The following CAMKMT variants were observed in gnomAD, a reference collection of about 807,000 sequenced individuals.
CAMKMT encodes the protein calmodulin-lysine N-methyltransferase.
A neutral mutation model predicts 48.0 loss-of-function variants in CAMKMT; 53 were observed. The observed-to-expected ratio is 1.10, with a 90% CI of 0.89 to 1.39. The LOEUF (loss-of-function observed/expected upper bound fraction) is 1.39, where lower values mean the gene tolerates loss of function less well. CAMKMT is among the 40% of genes most tolerant of loss of function. The pLI is 0.00. For synonymous variants in CAMKMT, 165 were observed against 152.3 expected (o/e 1.08, Z -0.61); for missense variants, 428 against 402.7 (o/e 1.06, Z -0.54).
intron 3 of CAMKMT, among the ~76,000 whole-genome samples, chr2:44,615,045 T>G (rs56254887): frequency 6.8e-6 from 1 of 147,060 alleles, no homozygotes; most frequent in Non-Finnish European, 1.5e-5. Context: ...CTGCCATCTC[T>G]GCCACCTGAG....
At chr2:44,536,648 A>G (rs1666788890) in intron 3 of CAMKMT, among the ~76,000 whole-genome samples, 1 of 152,046 alleles carries the variant, frequency 6.6e-6, no homozygotes, top group South Asian at 2.1e-4. Flanking sequence ...TTTTTCGTAG[A>G]AATAGAAAAA....
intron 3 of CAMKMT, among the ~76,000 whole-genome samples, chr2:44,535,833 A>G (rs1023576100): frequency 6.6e-6 from 1 of 152,220 alleles, no homozygotes; most frequent in Non-Finnish European, 1.5e-5. Flanking sequence ...AGAATAAGAC[A>G]AGGTTGCCTA....
chr2:44,656,365 T>TA (rs932404335), intron 3 of CAMKMT, among the ~76,000 whole-genome samples: 2 of 151,820 alleles, frequency 1.3e-5, no homozygotes, highest in African/African-American at 4.8e-5. Context: ...CTTTTTTTTT[T>TA]AAAAAAATGA....
Position 44,640,964 on chromosome 2 carries a change from C to T in CAMKMT, c.377-63319C>T, listed in dbSNP as rs541362638. ...CTATATAGAAACTGACATAGAGTGACCAAGGCCACTTGGTTCCAGCGTCAT... is the reference window on the plus strand; with the variant it reads ...CTATATAGAAACTGACATAGAGTGATCAAGGCCACTTGGTTCCAGCGTCAT... On this transcript the variant is annotated intron_variant, in intron 3 of 10. Coordinates refer to ENST00000378494, the MANE Select transcript of CAMKMT (RefSeq NM_024766.5). 3.9e-4 allele frequency among the ~76,000 whole-genome samples: 60 copies of T among 152,264 alleles called. 2 individuals carry two copies. The South Asian group carries it at 0.012, about 30-fold the overall frequency.
At chr2:44,760,535 C>T (rs1253316770) in intron 9 of CAMKMT, among the ~76,000 whole-genome samples, 7 of 148,554 alleles carry the variant, frequency 4.7e-5, no homozygotes, top group Non-Finnish European at 7.4e-5. Context: ...GGTGTGAACC[C>T]GGGAGGTGGA....
At chr2:44,485,386 C>T (rs1024685513) in intron 3 of CAMKMT, among the ~76,000 whole-genome samples, 2 of 151,202 alleles carry the variant, frequency 1.3e-5, no homozygotes, top group African/African-American at 4.9e-5. Flanking sequence ...ACTATTTCCA[C>T]ACACAATATG....
At chr2:44,516,076 A>C (rs1670817353) in intron 3 of CAMKMT, among the ~76,000 whole-genome samples, 1 of 152,196 alleles carries the variant, frequency 6.6e-6, no homozygotes, top group Admixed American at 6.5e-5. Flanking sequence ...AAATTATTTC[A>C]TTGCTTACGG....
At chr2:44,495,486 A>G (rs372598589) in intron 3 of CAMKMT, among the ~76,000 whole-genome samples, 3 of 152,336 alleles carry the variant, frequency 2.0e-5, no homozygotes, top group African/African-American at 7.2e-5. Flanking sequence ...AAGTTTTAAA[A>G]TTAAAAAGAA....
At chr2:44,693,859 G>A (rs1676791911) in intron 3 of CAMKMT, among the ~76,000 whole-genome samples, 1 of 152,118 alleles carries the variant, frequency 6.6e-6, no homozygotes, top group African/African-American at 2.4e-5. Context: ...AGTGTGTGTT[G>A]GCCTCTCCAC....
intron 8 of CAMKMT, among the ~76,000 whole-genome samples, chr2:44,747,737 T>C (rs981183384): frequency 6.6e-6 from 1 of 152,234 alleles, no homozygotes; most frequent in Non-Finnish European, 1.5e-5. Context: ...TTACAGATGC[T>C]CTGCAGTCTG....
rs116282827 is a variant in CAMKMT at position 44,667,048 on chromosome 2, C to G, written c.377-37235C>G. Reference sequence around the variant, plus strand: ...AATCTAAAGATATAGCCATACTCATCTAGGGATTTGATAAAATGTTCTGAA... The same window carrying G: ...AATCTAAAGATATAGCCATACTCATGTAGGGATTTGATAAAATGTTCTGAA... On this transcript the variant is annotated intron_variant, in intron 3 of 10. Coordinates refer to ENST00000378494, the MANE Select transcript of CAMKMT (RefSeq NM_024766.5). 5.8e-3 allele frequency among the ~76,000 whole-genome samples: 883 copies of G among 152,294 alleles called. 10 individuals carry two copies. Among genetic ancestry groups the G allele is most frequent in the African/African-American group, 0.02 (848 of 41,550 alleles).
In CAMKMT at chr2:44,511,590, A is replaced by G. The variant is rs1670558338; in HGVS notation, c.376+121285A>G. Among the ~76,000 whole-genome samples, 3 of 152,300 alleles carry G rather than the reference A, an allele frequency of 2.0e-5. No homozygotes were observed. The South Asian group carries it at 6.2e-4, about 32-fold the overall frequency. On this transcript the variant is annotated intron_variant, in intron 3 of 10. Coordinates refer to ENST00000378494, the MANE Select transcript of CAMKMT (RefSeq NM_024766.5). ...AGATATGAGCCACCACGCCTGGCCT[A>G]TTTCATTCCTTTTTATGGCTGACTA...
rs565162899 is a variant in CAMKMT, at chr2:44,400,553, A to G, written c.376+10248A>G. On this transcript the variant is annotated intron_variant, in intron 3 of 10. Coordinates refer to ENST00000378494, the MANE Select transcript of CAMKMT (RefSeq NM_024766.5). ...TTAGTTATCTACTTAAGATGAGCCA[A>G]TTCTCATTAGTCATGTTGTTTATCA... is the stretch of plus-strand genomic sequence containing the variant. 5.9e-5 allele frequency among the ~76,000 whole-genome samples: 9 copies of G among 152,268 alleles called. No homozygotes were observed. In the South Asian group the frequency reaches 1.7e-3, roughly 28 times the overall value.
At chr2:44,710,496 T>G (rs934704873) in intron 6 of CAMKMT, among the ~76,000 whole-genome samples, 3 of 152,154 alleles carry the variant, frequency 2.0e-5, no homozygotes, top group Non-Finnish European at 4.4e-5. Flanking sequence ...TGAGAGCTGC[T>G]CTTCCCTACA....
At chr2:44,474,290 A>C (rs970247174) in intron 3 of CAMKMT, among the ~76,000 whole-genome samples, 3 of 152,010 alleles carry the variant, frequency 2.0e-5, no homozygotes, top group African/African-American at 7.2e-5. Context: ...TACTAAAAAT[A>C]CAAAAAATTA....
At chr2:44,668,077 A>G (rs1558782875) in intron 3 of CAMKMT, among the ~76,000 whole-genome samples, 1 of 152,168 alleles carries the variant, frequency 6.6e-6, no homozygotes, top group African/African-American at 2.4e-5. Flanking sequence ...ACAGATCTCA[A>G]ATCAGCATTT....
intron 3 of CAMKMT, among the ~76,000 whole-genome samples, chr2:44,528,562 T>C (rs1666296726): frequency 6.6e-6 from 1 of 152,230 alleles, no homozygotes; most frequent in East Asian, 1.9e-4. Flanking sequence ...GCTAATTCCT[T>C]AATACCACCA....
chr2:44,706,232 C>T, intron 4 of CAMKMT, 55 bp from the exon 5 acceptor site: 1 of 1,577,962 alleles, frequency 6.3e-7, no homozygotes. Context: ...ATATCTCTCT[C>T]TGACCATTTT....
At chr2:44,611,552 C>A (rs1173051532) in intron 3 of CAMKMT, among the ~76,000 whole-genome samples, 1 of 151,946 alleles carries the variant, frequency 6.6e-6, no homozygotes, top group Non-Finnish European at 1.5e-5. Flanking sequence ...TTATTCCTAG[C>A]AGTTTTAATT....
Sources: gnomAD v4.1 joint callset for allele counts (sites outside exome capture counted in the v4.1 genomes callset) on GRCh38, gnomAD v4.1.1 for gene constraint, MANE v1.5 for transcripts, NCBI Gene and HGNC (gene_info 2026-07-23, HGNC 2026-07-21) for gene names.